MRAP2: variants seen among roughly 807,000 people sequenced by gnomAD.
MRAP2 encodes the protein melanocortin 2 receptor accessory protein 2.
A neutral mutation model predicts 17.4 loss-of-function variants in MRAP2; 20 were observed. The ratio of observed to expected loss-of-function variants is 1.15; its 90% confidence interval spans 0.81 to 1.67. The LOEUF is 1.67. MRAP2 is among the 40% of genes most tolerant of loss of function. The pLI, the probability that MRAP2 is intolerant of heterozygous loss-of-function variation, is 0.00. For synonymous variants in MRAP2, 96 were observed against 88.4 expected, an observed-to-expected ratio of 1.09 and a Z score of -0.48; for missense variants, 238 against 240.0, an observed-to-expected ratio of 0.99 and a Z score of 0.05.
At chr6:84,060,666 G>C (rs1345937466) in intron 2 of MRAP2, among the ~76,000 whole-genome samples, 3 of 151,776 alleles carry the variant, frequency 2.0e-5, no homozygotes, top group Non-Finnish European at 4.4e-5. Context: ...CAGTACATGT[G>C]GTGTTTGGTA....
chr6:84,038,195 T>G (rs955880253), intron 1 of MRAP2, among the ~76,000 whole-genome samples: 7 of 152,310 alleles, frequency 4.6e-5, no homozygotes, highest in Non-Finnish European at 1.0e-4. Context: ...GAAGTAGGAA[T>G]GAGCAGCCAG....
intron 3 of MRAP2, 79 bp from the exon 4 acceptor site, chr6:84,089,012 C>T: frequency 6.7e-7 from 1 of 1,488,740 alleles, no homozygotes; most frequent in Non-Finnish European, 9.0e-7. Context: ...TGCTGGCCTG[C>T]CCTACGTGCA....
the MRAP2 span, among the ~76,000 whole-genome samples, chr6:84,134,913 C>CATAT: frequency 4.5e-5 from 4 of 89,450 alleles, no homozygotes; most frequent in African/African-American, 1.8e-4. Context: ...ATGAAAAGAT[C>CATAT]ATATATACAC....
the MRAP2 span, among the ~76,000 whole-genome samples, chr6:84,133,654 C>A: frequency 6.6e-6 from 1 of 152,188 alleles, no homozygotes; most frequent in African/African-American, 2.4e-5. Flanking sequence ...GGGCATTGGA[C>A]CCTCTGAGCC....
chr6:84,130,421 C>G, the MRAP2 span, among the ~76,000 whole-genome samples: 11 of 152,130 alleles, frequency 7.2e-5, no homozygotes, highest in Non-Finnish European at 1.5e-4. Context: ...GGAATAGTTT[C>G]AGAAGGATTG....
the MRAP2 span, among the ~76,000 whole-genome samples, chr6:84,125,771 C>T: frequency 6.6e-6 from 1 of 152,096 alleles, no homozygotes; most frequent in Admixed American, 6.6e-5. Flanking sequence ...TGACCAAAAC[C>T]TCAATCTGGG....
chr6:84,079,688 G>T (rs2099498479), intron 3 of MRAP2, among the ~76,000 whole-genome samples: 1 of 152,178 alleles, frequency 6.6e-6, no homozygotes. Flanking sequence ...ATAGGGCACT[G>T]CAGTGGGAAT....
Position 84,034,893 on chromosome 6 carries a change from G to GT in MRAP2, c.-8+1010_-8+1011insT, listed in dbSNP as rs541948557. On this transcript the variant is annotated intron_variant, in intron 1 of 3. Coordinates refer to ENST00000257776, the MANE Select transcript of MRAP2 (RefSeq NM_138409.4). ...AATAGTGGGGAGTAGGGGTCTGGAA[G>GT]CTAGGACTGTGAGTCTAGTTTCCTT... Among the ~76,000 whole-genome samples the GT allele has an allele frequency of 4.6e-4, 70 of 152,234 alleles. 4 individuals are homozygous for GT. The South Asian group carries it at 0.013, about 29-fold the overall frequency.
chr6:84,116,592 C>G, the MRAP2 span, among the ~76,000 whole-genome samples: 1 of 152,132 alleles, frequency 6.6e-6, no homozygotes, highest in Non-Finnish European at 1.5e-5. Flanking sequence ...ATGTTTCCAG[C>G]TTTTACTCAT....
chr6:84,126,821 A>AT, the MRAP2 span, among the ~76,000 whole-genome samples: 1,422 of 152,330 alleles, frequency 9.3e-3, 17 homozygotes, highest in African/African-American at 0.032. Flanking sequence ...ACTACAAGGT[A>AT]TTGTTAGTAA....
intron 3 of MRAP2, among the ~76,000 whole-genome samples, chr6:84,071,260 T>C (rs1024474745): frequency 3.9e-5 from 6 of 152,244 alleles, no homozygotes; most frequent in African/African-American, 1.4e-4. Context: ...TAGCAGTTCT[T>C]GTAGTGGTGG....
At chr6:84,051,037 G>C (rs1193180041) in intron 1 of MRAP2, among the ~76,000 whole-genome samples, 1 of 152,160 alleles carries the variant, frequency 6.6e-6, no homozygotes, top group Non-Finnish European at 1.5e-5. Flanking sequence ...TGCTAGTCCT[G>C]TGCCTGGGTT....
chr6:84,094,204 G>A (rs774706114), downstream of MRAP2, among the ~76,000 whole-genome samples: 6 of 152,110 alleles, frequency 3.9e-5, no homozygotes, highest in South Asian at 2.1e-4. Flanking sequence ...AGAGCCCCCC[G>A]TGTGATTTAA....
intron 1 of MRAP2, among the ~76,000 whole-genome samples, chr6:84,048,828 T>C (rs2099489685): frequency 6.6e-6 from 1 of 152,236 alleles, no homozygotes; most frequent in South Asian, 2.1e-4. Context: ...GTTTTCCTAA[T>C]TCAACAAATG....
chr6:84,051,525 C>T (rs2099490417), intron 1 of MRAP2, among the ~76,000 whole-genome samples: 2 of 152,248 alleles, frequency 1.3e-5, no homozygotes, highest in South Asian at 4.1e-4. Flanking sequence ...CCACTGCACT[C>T]CAGCCTGGGT....
chr6:84,079,389 A>G (rs1317649041), intron 3 of MRAP2, among the ~76,000 whole-genome samples: 2 of 152,220 alleles, frequency 1.3e-5, no homozygotes, highest in Non-Finnish European at 2.9e-5. Flanking sequence ...TGTTACCTAA[A>G]GGGGGTAGAA....
intron 1 of MRAP2, among the ~76,000 whole-genome samples, chr6:84,037,530 C>T (rs995125019): frequency 4.0e-5 from 6 of 150,606 alleles, no homozygotes; most frequent in African/African-American, 1.3e-4. Flanking sequence ...GAGCAGGGGG[C>T]GGCGCCCGTT....
chr6:84,084,309 C>T (rs1442020866), intron 3 of MRAP2, among the ~76,000 whole-genome samples: 3 of 152,058 alleles, frequency 2.0e-5, no homozygotes, highest in Non-Finnish European at 4.4e-5. Context: ...TCTAGTCCCT[C>T]CGTAGTAGAT....
chr6:84,044,576 T>A (rs534461447), intron 1 of MRAP2, among the ~76,000 whole-genome samples: 1 of 152,252 alleles, frequency 6.6e-6, no homozygotes, highest in Non-Finnish European at 1.5e-5. Flanking sequence ...TTGTAGCCGC[T>A]GCCCTCTTGT....
Sources: allele counts gnomAD v4.1 joint callset (sites outside exome capture counted in the v4.1 genomes callset), GRCh38; gene constraint gnomAD v4.1.1; transcripts MANE v1.5; gene names NCBI Gene and HGNC (gene_info 2026-07-23, HGNC 2026-07-21).